EML6: variants seen among roughly 807,000 people sequenced by gnomAD.
EML6 encodes EMAP like 6.
Under a neutral mutation model 240.1 loss-of-function variants are expected in EML6, and 154 were observed. That is an observed-to-expected ratio of 0.64 (90% CI 0.56 to 0.73). The LOEUF is 0.73. Among genes scored for constraint, EML6 ranks in the 30% least tolerant of loss-of-function variants. The pLI is 0.00. For synonymous variants in EML6, 1,148 were observed against 899.0 expected (o/e 1.28, Z -4.95); for missense variants, 2,964 against 2,474.6 (o/e 1.20, Z -4.20).
intron 2 of EML6, among the ~76,000 whole-genome samples, chr2:54,726,284 A>T (rs1373265667): frequency 6.6e-6 from 1 of 152,264 alleles, no homozygotes; most frequent in East Asian, 1.9e-4. Context: ...AACAACTACC[A>T]TTACATTCTC....
At chr2:54,734,487 G>A (rs1319878671) in intron 2 of EML6, among the ~76,000 whole-genome samples, 1 of 152,242 alleles carries the variant, frequency 6.6e-6, no homozygotes, top group African/African-American at 2.4e-5. Context: ...CCACTGGGGT[G>A]CCAGTGCTAC....
chr2:54,884,888 A>G (rs922362662), intron 17 of EML6, among the ~76,000 whole-genome samples: 3 of 152,218 alleles, frequency 2.0e-5, no homozygotes, highest in Non-Finnish European at 2.9e-5. Flanking sequence ...TCAAGAAATC[A>G]TTGGGCTGGG....
rs1553380347 is a variant in EML6, at chr2:54,797,167, A to AAAAAAACAAAAAAAAAAAAAAC, written c.198-16059_198-16058insCAAAAAAAAAAAAAACAAAAAA. 7.0e-4 allele frequency among the ~76,000 whole-genome samples: 80 copies of AAAAAAACAAAAAAAAAAAAAAC among 114,068 alleles called. 2 individuals are homozygous for AAAAAAACAAAAAAAAAAAAAAC. Among genetic ancestry groups the AAAAAAACAAAAAAAAAAAAAAC allele is most frequent in the Admixed American group, 1.1e-3 (13 of 11,862 alleles). The allele number at this position is 114,068 out of a possible 152,430, so 74.8% of individuals were successfully genotyped here. A position where few individuals can be genotyped will look rare whatever the true frequency, so the allele number is the denominator to read the frequency against. ...GTGACAGAGCAAGACTCCATCTCAA[A>AAAAAAACAAAAAAAAAAAAAAC]AAAAAAAAAAAAAAAAAAAAAACTG... On this transcript the variant is annotated intron_variant, in intron 2 of 41. Transcript: ENST00000356458.
At chr2:54,831,252 T>C (rs1668855320) in intron 7 of EML6, among the ~76,000 whole-genome samples, 1 of 152,200 alleles carries the variant, frequency 6.6e-6, no homozygotes, top group Non-Finnish European at 1.5e-5. Context: ...TCATGACTCT[T>C]TTTGGCAGTT....
At position 54,829,055 on chromosome 2, in the gene EML6, C is replaced by T. The variant is rs994188442; in HGVS notation, c.712-287C>T. On this transcript the variant is annotated intron_variant, in intron 6 of 41. Transcript: ENST00000356458. The stretch of plus-strand genomic sequence containing the variant: ...TTATCACATAAAATAATTTGATTCC[C>T]ATATCTGCATTAATTATATTTTTGA... Among the ~76,000 whole-genome samples the T allele has an allele frequency of 8.5e-5, 13 of 152,272 alleles. No homozygotes were observed. In the East Asian group the frequency reaches 2.5e-3, roughly 29 times the overall value.
At chr2:54,785,289 C>T (rs1276063073) in intron 2 of EML6, among the ~76,000 whole-genome samples, 1 of 151,686 alleles carries the variant, frequency 6.6e-6, no homozygotes, top group Admixed American at 6.6e-5. Flanking sequence ...GATTCTCGTG[C>T]CTCAGCCTCT....
intron 2 of EML6, among the ~76,000 whole-genome samples, chr2:54,759,468 A>G (rs1227298610): frequency 6.6e-6 from 1 of 152,096 alleles, no homozygotes; most frequent in Non-Finnish European, 1.5e-5. Flanking sequence ...GGAAATAGCA[A>G]TAATATTATT....
chr2:54,903,812 C>T (rs958420917), intron 24 of EML6, among the ~76,000 whole-genome samples: 1 of 152,162 alleles, frequency 6.6e-6, no homozygotes, highest in Non-Finnish European at 1.5e-5. Flanking sequence ...GTTGGGAGTG[C>T]TTTCTCCTTG....
chr2:54,741,922 A>G (rs1234440149), intron 2 of EML6, among the ~76,000 whole-genome samples: 1 of 152,226 alleles, frequency 6.6e-6, no homozygotes, highest in East Asian at 1.9e-4. Flanking sequence ...ACTAGTGATG[A>G]AGTTTTGTTG....
chr2:54,879,306 C>T (rs986812513), intron 16 of EML6, among the ~76,000 whole-genome samples: 8 of 152,148 alleles, frequency 5.3e-5, no homozygotes, highest in African/African-American at 1.7e-4. Context: ...TTTCATTCAG[C>T]GAGGTCCATT....
At chr2:54,831,893 C>T (rs1053113736) in intron 7 of EML6, among the ~76,000 whole-genome samples, 1 of 152,166 alleles carries the variant, frequency 6.6e-6, no homozygotes, top group Non-Finnish European at 1.5e-5. Flanking sequence ...TTTAGAATTG[C>T]TGCTGACGAC....
chr2:54,953,818 T>C (rs1676100347), intron 31 of EML6, among the ~76,000 whole-genome samples, 165 bp from the exon 32 acceptor site: 1 of 146,608 alleles, frequency 6.8e-6, no homozygotes, highest in Non-Finnish European at 1.5e-5. Context: ...ACCCAGGACG[T>C]GGAGGTTGCG....
Position 54,954,161 on chromosome 2 carries a change from A to G in EML6, c.4486+5A>G. Reference sequence around the variant, plus strand: ...CTGTCTGGCGATGGCAGGAAGGTAAACCAGCACTGGGCTTTCTGTCCCTCC... The same window carrying G: ...CTGTCTGGCGATGGCAGGAAGGTAAGCCAGCACTGGGCTTTCTGTCCCTCC... On this transcript the variant is annotated splice_donor_5th_base_variant and intron_variant, in intron 32 of 41. Coordinates refer to ENST00000356458, the MANE Select transcript of EML6 (RefSeq NM_001039753.4). 1 of 1,549,844 alleles carries G rather than the reference A, an allele frequency of 6.5e-7. No individual in the cohort carries two copies. Among genetic ancestry groups the G allele is most frequent in the Middle Eastern group, 1.7e-4 (1 of 5,850 alleles).
intron 5 of EML6, 38 bp from the exon 6 acceptor site, chr2:54,827,528 C>G: frequency 6.7e-7 from 1 of 1,492,848 alleles, no homozygotes; most frequent in Non-Finnish European, 9.1e-7. Flanking sequence ...CATCCGAATA[C>G]TCTATCTTGG....
chr2:54,905,339 C>G (rs1202637480), intron 24 of EML6, among the ~76,000 whole-genome samples: 2 of 146,848 alleles, frequency 1.4e-5, no homozygotes, highest in Non-Finnish European at 3.0e-5. Flanking sequence ...CACACACACA[C>G]ACACACACAC....
At chr2:54,874,294 T>C (rs1309422076) in intron 16 of EML6, among the ~76,000 whole-genome samples, 1 of 152,198 alleles carries the variant, frequency 6.6e-6, no homozygotes, top group African/African-American at 2.4e-5. Context: ...AGAAACCTTT[T>C]TCCCATAAGG....
At position 54,970,241 on chromosome 2, in the gene EML6, T is replaced by A. The variant is rs1676931093; in HGVS notation, c.*146T>A. Reference sequence around the variant, plus strand: ...CACAAGCTCAAAACGCTGCAGAAGTTACACAACTGCTCCCATAATCTGGAC... The same window carrying A: ...CACAAGCTCAAAACGCTGCAGAAGTAACACAACTGCTCCCATAATCTGGAC... On this transcript the variant is annotated 3_prime_UTR_variant, in exon 42 of 42. Coordinates refer to ENST00000356458, the MANE Select transcript of EML6 (RefSeq NM_001039753.4). 2.6e-6 allele frequency: 2 copies of A among 761,198 alleles called. No individual in the cohort carries two copies. The highest frequency in any genetic ancestry group is 4.3e-5 in the Admixed American group (2 of 46,668). The allele number at this position is 761,198 out of a possible 1,614,324, so 47.2% of individuals were successfully genotyped here. A position where few individuals can be genotyped will look rare whatever the true frequency, so the allele number is the denominator to read the frequency against.
chr2:54,865,703 A>G (rs1670935160), intron 13 of EML6, among the ~76,000 whole-genome samples: 1 of 152,228 alleles, frequency 6.6e-6, no homozygotes, highest in Non-Finnish European at 1.5e-5. Context: ...TCTGAAATCC[A>G]AAACATTTCT....
chr2:54,733,600 G>A (rs1475159943), intron 2 of EML6, among the ~76,000 whole-genome samples: 1 of 152,092 alleles, frequency 6.6e-6, no homozygotes, highest in Non-Finnish European at 1.5e-5. Context: ...GACAATACAG[G>A]CTTTTATTTT....
Sources: gnomAD v4.1 joint callset for allele counts (sites outside exome capture counted in the v4.1 genomes callset) on GRCh38, gnomAD v4.1.1 for gene constraint, MANE v1.5 for transcripts, NCBI Gene and HGNC (gene_info 2026-07-23, HGNC 2026-07-21) for gene names.